FCHO2: variants seen among roughly 807,000 people sequenced by gnomAD.
FCHO2 encodes F-BAR domain only protein 2.
FCHO2 carries 43 observed loss-of-function variants against 114.1 expected under a neutral mutation model. That is an observed-to-expected ratio of 0.38 (90% CI 0.30 to 0.49). The LOEUF (loss-of-function observed/expected upper bound fraction) is 0.49, where lower values mean the gene tolerates loss of function less well. Among genes scored for constraint, FCHO2 ranks in the 20% least tolerant of loss-of-function variants. The pLI, the probability that FCHO2 is intolerant of heterozygous loss-of-function variation, is 0.97. For missense variants in FCHO2, 807 were observed against 950.4 expected, an observed-to-expected ratio of 0.85 and a Z score of 1.98; for synonymous variants, 293 against 315.2, an observed-to-expected ratio of 0.93 and a Z score of 0.75.
chr5:73,037,163 A>G lies in FCHO2; in HGVS notation c.862A>G (p.Lys288Glu). The G allele has an allele frequency of 6.3e-7, 1 of 1,590,110 alleles. No individual in the cohort carries two copies. Among genetic ancestry groups the G allele is most frequent in the Non-Finnish European group, 8.6e-7 (1 of 1,168,404 alleles). ...AVEGIKPRKR[K>E]TFALPGIIKK... ...TAAAGGTATAAAACCAAGGAAAAGA[A>G]AGACCTTTGCTTTGCCAGGAATCAT... The change falls in exon 10 of 26, where the codon AAG becomes GAG. Residue 288 changes from lysine (K) to glutamate (E), a missense_variant. Physicochemically the swap from Lys to Glu is moderately conservative, Grantham distance 56 (BLOSUM62 1). Transcript: ENST00000430046.
At chr5:72,970,595 G>A (rs1286005464) in intron 2 of FCHO2, among the ~76,000 whole-genome samples, 2 of 151,344 alleles carry the variant, frequency 1.3e-5, no homozygotes, top group Non-Finnish European at 2.9e-5. Flanking sequence ...TGAATTACAT[G>A]TCAAAATCCT....
intron 6 of FCHO2, 144 bp downstream of exon 6, chr5:73,006,693 T>C: frequency 3.5e-6 from 2 of 573,268 alleles, no homozygotes; most frequent in Non-Finnish European, 5.8e-6. Flanking sequence ...TAAAAATACA[T>C]GTCGCGTTTT....
Position 72,974,172 on chromosome 5 carries a change from A to G in FCHO2, c.125+5583A>G, listed in dbSNP as rs1034239548. Among the ~76,000 whole-genome samples, 9 of 147,988 alleles carry G rather than the reference A, an allele frequency of 6.1e-5. No individual in the cohort carries two copies. The East Asian group carries it at 1.2e-3, about 20-fold the overall frequency. ...TGTGGTGTGGTGCTGAAAAAAATGT[A>G]TATTCTGTTGATTTGGGGTGGAGAG... is the stretch of plus-strand genomic sequence containing the variant. On this transcript the variant is annotated intron_variant, in intron 2 of 25. Transcript: ENST00000430046.
intron 2 of FCHO2, among the ~76,000 whole-genome samples, chr5:72,972,390 G>A (rs1752606817): frequency 6.6e-6 from 1 of 152,048 alleles, no homozygotes; most frequent in Admixed American, 6.6e-5. Flanking sequence ...GCAGTGGTTT[G>A]TAGTTCTCCT....
chr5:73,005,851 G>GT (rs1445940486), intron 5 of FCHO2, among the ~76,000 whole-genome samples: 2 of 151,774 alleles, frequency 1.3e-5, no homozygotes, highest in African/African-American at 2.4e-5. Context: ...TAACAGTTTC[G>GT]TTTTTTAAGT....
At chr5:73,045,252 A>G (rs1002712579) in intron 11 of FCHO2, among the ~76,000 whole-genome samples, 2 of 152,128 alleles carry the variant, frequency 1.3e-5, no homozygotes, top group African/African-American at 2.4e-5. Context: ...TTTTACAGCC[A>G]CTTTTCCTTA....
intron 1 of FCHO2, among the ~76,000 whole-genome samples, chr5:72,959,683 A>G (rs1367765636): frequency 6.6e-6 from 1 of 152,222 alleles, no homozygotes; most frequent in Non-Finnish European, 1.5e-5. Flanking sequence ...TTTTTCATCA[A>G]TTAAAAGATA....
intron 24 of FCHO2, among the ~76,000 whole-genome samples, chr5:73,086,270 T>C (rs1052014860): frequency 2.6e-5 from 4 of 152,220 alleles, no homozygotes; most frequent in Admixed American, 6.5e-5. Context: ...CACAACCAAA[T>C]TGGTTATCAA....
In FCHO2 at chr5:73,068,673, A is replaced by G. The variant is rs1283518001; in HGVS notation, c.1473A>G (p.Val491=). ...NEIPRPFSPP[V]TSNTSPPPAA... ...AGCCCAGGCCATTCAGCCCACCTGTAACTTCCAACACCAGCCCACCTCCTG... is the reference window on the plus strand; with the variant it reads ...AGCCCAGGCCATTCAGCCCACCTGTGACTTCCAACACCAGCCCACCTCCTG... Residue 491 remains valine (V), a synonymous_variant, in exon 19 of 26, where the codon GTA becomes GTG. Transcript: ENST00000430046. 6.2e-7 allele frequency: 1 copy of G among 1,611,798 alleles called. No homozygotes were observed. The highest frequency in any genetic ancestry group is 1.7e-5 in the Admixed American group (1 of 59,764).
chr5:73,041,071 T>C (rs555642200), intron 10 of FCHO2, among the ~76,000 whole-genome samples: 1 of 152,222 alleles, frequency 6.6e-6, no homozygotes, highest in South Asian at 2.1e-4. Flanking sequence ...ACTTGTAAGC[T>C]GTTTGTTTTT....
intron 8 of FCHO2, among the ~76,000 whole-genome samples, chr5:73,032,415 T>G (rs1432954193): frequency 1.3e-5 from 2 of 152,150 alleles, no homozygotes; most frequent in Admixed American, 1.3e-4. Flanking sequence ...CAAATGGATT[T>G]TAAGAGGATG....
chr5:73,026,882 T>A (rs922377236), intron 8 of FCHO2, among the ~76,000 whole-genome samples: 3 of 151,840 alleles, frequency 2.0e-5, no homozygotes, highest in African/African-American at 7.3e-5. Context: ...AGTAGAGACA[T>A]AGTTTCACCA....
intron 2 of FCHO2, among the ~76,000 whole-genome samples, chr5:72,979,055 T>C (rs546051853): frequency 1.3e-5 from 2 of 152,202 alleles, no homozygotes; most frequent in Admixed American, 1.3e-4. Context: ...ATCAGAGATA[T>C]TGGCCTGAAA....
chr5:73,052,191 G>A (rs1580170950), intron 12 of FCHO2, 141 bp from the exon 13 acceptor site: 2 of 755,642 alleles, frequency 2.6e-6, no homozygotes, highest in Non-Finnish European at 4.2e-6. Context: ...CCAAAGTCCT[G>A]GGATTACAGG....
chr5:72,983,172 C>G (rs369483202), intron 2 of FCHO2, among the ~76,000 whole-genome samples: 25 of 152,086 alleles, frequency 1.6e-4, no homozygotes, highest in African/African-American at 6.0e-4. Context: ...CCTCAGCCTC[C>G]CAAAGTGCTG....
In FCHO2 at chr5:72,990,696, A is replaced by G. The variant is rs201529330; in HGVS notation, c.343-16A>G. 6.2e-5 allele frequency: 96 copies of G among 1,544,922 alleles called. No homozygotes were observed. The African/African-American group carries it at 1.2e-3, about 20-fold the overall frequency. On this transcript the variant is annotated splice_polypyrimidine_tract_variant and intron_variant, in intron 4 of 25. Transcript: ENST00000430046. ...TATAGTTCAGTCATTTTGATGGATC[A>G]TTTCATACTAAACAGACTAAAGAAG...
intron 2 of FCHO2, among the ~76,000 whole-genome samples, chr5:72,977,668 G>A (rs765541610): frequency 6.6e-6 from 1 of 152,162 alleles, no homozygotes; most frequent in Non-Finnish European, 1.5e-5. Context: ...ATTGCTTGTG[G>A]TGTTTTAGTC....
At chr5:73,005,679 T>C (rs1281599331) in intron 5 of FCHO2, among the ~76,000 whole-genome samples, 2 of 152,186 alleles carry the variant, frequency 1.3e-5, no homozygotes, top group Non-Finnish European at 2.9e-5. Flanking sequence ...CTACACATAA[T>C]CTTTTCCTTT....
At chr5:73,003,500 A>T (rs998287457) in intron 5 of FCHO2, among the ~76,000 whole-genome samples, 1 of 152,108 alleles carries the variant, frequency 6.6e-6, no homozygotes, top group African/African-American at 2.4e-5. Flanking sequence ...GTAAAAGTGT[A>T]TGCACAGTCA....
Sources: allele counts gnomAD v4.1 joint callset (sites outside exome capture counted in the v4.1 genomes callset), GRCh38; gene constraint gnomAD v4.1.1; transcripts MANE v1.5; gene names NCBI Gene and HGNC (gene_info 2026-07-23, HGNC 2026-07-21).